RNF144B: variants seen among roughly 807,000 people sequenced by gnomAD.
RNF144B encodes E3 ubiquitin-protein ligase RNF144B.
Under a neutral mutation model 40.2 loss-of-function variants are expected in RNF144B, and 25 were observed. The observed-to-expected ratio is 0.62, with a 90% CI of 0.45 to 0.87. The LOEUF (loss-of-function observed/expected upper bound fraction) is 0.87. Ranked by LOEUF, RNF144B falls within the 40% of genes least tolerant of loss-of-function variation. The pLI, the probability that RNF144B is intolerant of heterozygous loss-of-function variation, is 0.00. For missense variants in RNF144B, 365 were observed against 373.7 expected (o/e 0.98, Z 0.19); for synonymous variants, 145 against 136.3 (o/e 1.06, Z -0.44).
Position 18,400,173 on chromosome 6 carries a change from G to T in RNF144B, c.165+474G>T, listed in dbSNP as rs559290042. On this transcript the variant is annotated intron_variant, in intron 2 of 7. Coordinates refer to ENST00000259939, the MANE Select transcript of RNF144B (RefSeq NM_182757.4). This position sits in a 1 kb window ranked among gnomAD's most constrained non-coding sequence, Gnocchi z 5.6. ...CTGTAGTCCCAGCTACTCGGGAGGC[G>T]GAGGCAGGAGAATGGCGTGAACCTG... Among the ~76,000 whole-genome samples, 384 of 151,824 alleles carry T rather than the reference G, an allele frequency of 2.5e-3. 5 individuals are homozygous for T. The highest frequency in any genetic ancestry group is 8.3e-3 in the African/African-American group (345 of 41,402).
At position 18,406,457 on chromosome 6, in the gene RNF144B, A is replaced by AGTGT. The variant is rs58124564; in HGVS notation, c.165+6799_165+6802dup. On this transcript the variant is annotated intron_variant, in intron 2 of 7. Coordinates refer to ENST00000259939, the MANE Select transcript of RNF144B (RefSeq NM_182757.4). The surrounding 1 kb of genome is among the most constrained non-coding windows in gnomAD (Gnocchi z 4.2). ...CAAAGGAGGCTGGTGTGGCTGGAAAAGTGTGTGTGTGTGTGTGTGTGTGTG... is the reference window on the plus strand; with the variant it reads ...CAAAGGAGGCTGGTGTGGCTGGAAAAGTGTGTGTGTGTGTGTGTGTGTGTGTGTG... Among the ~76,000 whole-genome samples the AGTGT allele has an allele frequency of 0.048, 6,326 of 130,860 alleles. 171 individuals are homozygous for AGTGT. The highest frequency in any genetic ancestry group is 0.075 in the Admixed American group (974 of 13,044). The allele number at this position is 130,860 out of a possible 152,430, so 85.8% of individuals were successfully genotyped here.
In RNF144B at chr6:18,465,602, T is replaced by A. The variant is rs72834107; in HGVS notation, c.*535T>A. 1,683 of 152,916 alleles carry A rather than the reference T, an allele frequency of 0.011. 23 individuals carry two copies. The highest frequency in any genetic ancestry group is 0.027 in the Middle Eastern group (8 of 294). 9.5% of individuals were successfully genotyped at this position (152,916 alleles called of 1,614,324 possible). On this transcript the variant is annotated 3_prime_UTR_variant, in exon 8 of 8. Coordinates refer to ENST00000259939, the MANE Select transcript of RNF144B (RefSeq NM_182757.4). ...GTTGATATGGTGGTTGTGCCTCTGC[T>A]GGCTACTGGGTGTGCTGTCCCCATG...
chr6:18,430,915 T>C (rs994994625), intron 3 of RNF144B, among the ~76,000 whole-genome samples: 5 of 152,150 alleles, frequency 3.3e-5, no homozygotes, highest in Non-Finnish European at 5.9e-5. Flanking sequence ...CTTTTGTGCA[T>C]TAAAACCAGA....
In RNF144B at chr6:18,447,380, ATAGGAGG is replaced by A. The variant is rs201060613; in HGVS notation, c.331+7639_331+7645del. Among the ~76,000 whole-genome samples the A allele has an allele frequency of 0.011, 1,653 of 152,268 alleles. 22 individuals are homozygous for A. Among genetic ancestry groups the A allele is most frequent in the Middle Eastern group, 0.027 (8 of 294 alleles). ...AGCTAAGTGAGCAGAGGGGAGAGTT[ATAGGAGG>A]TAATTTGAAAGTGTTAGTCAAGGGC... On this transcript the variant is annotated intron_variant, in intron 4 of 7. Coordinates refer to ENST00000259939, the MANE Select transcript of RNF144B (RefSeq NM_182757.4). The surrounding 1 kb of genome is among the most constrained non-coding windows in gnomAD (Gnocchi z 5.6).
At chr6:18,403,442 G>A (rs1331250688) in intron 2 of RNF144B, among the ~76,000 whole-genome samples, 1 of 152,166 alleles carries the variant, frequency 6.6e-6, no homozygotes, top group African/African-American at 2.4e-5. Flanking sequence ...AATACAGGAT[G>A]TGCTAAGCAA....
At chr6:18,407,171 G>A (rs1448255768) in intron 2 of RNF144B, among the ~76,000 whole-genome samples, 1 of 152,078 alleles carries the variant, frequency 6.6e-6, no homozygotes, top group East Asian at 1.9e-4. Context: ...CACATGCCCA[G>A]AAATGAGGCA....
intron 4 of RNF144B, 150 bp downstream of exon 4, chr6:18,439,894 A>G (rs1364321040): frequency 9.7e-6 from 5 of 514,650 alleles, no homozygotes; most frequent in Non-Finnish European, 1.8e-5. Flanking sequence ...GCAACATAAA[A>G]TTTCAAGCCT....
At chr6:18,388,109 T>C (rs184212986) in intron 1 of RNF144B, among the ~76,000 whole-genome samples, 16 of 152,284 alleles carry the variant, frequency 1.1e-4, no homozygotes, top group Admixed American at 1.0e-3. Context: ...CTAAAACACC[T>C]TTTGTTTTTC....
At chr6:18,453,823 T>C (rs1423623492) in intron 4 of RNF144B, among the ~76,000 whole-genome samples, 3 of 152,180 alleles carry the variant, frequency 2.0e-5, no homozygotes. Context: ...GGAGGAACAG[T>C]CCTTGTTTGA....
rs1423951934 is a variant in RNF144B, at chr6:18,418,124, T to C, written c.166-9457T>C. ...GAATTTAAAGAAGTTGAAACTCTCA[T>C]ACACTGCTGGTGGGAATGGAAAATG... On this transcript the variant is annotated intron_variant, in intron 2 of 7. Coordinates refer to ENST00000259939, the MANE Select transcript of RNF144B (RefSeq NM_182757.4). This position sits in a 1 kb window ranked among gnomAD's most constrained non-coding sequence, Gnocchi z 5.2. Among the ~76,000 whole-genome samples the C allele has an allele frequency of 6.6e-6, 1 of 152,176 alleles. No individual in the cohort carries two copies. Among genetic ancestry groups the C allele is most frequent in the Non-Finnish European group, 1.5e-5 (1 of 68,020 alleles).
intron 6 of RNF144B, among the ~76,000 whole-genome samples, chr6:18,462,441 T>C (rs1759475889): frequency 6.6e-6 from 1 of 152,182 alleles, no homozygotes; most frequent in Non-Finnish European, 1.5e-5. Context: ...CTTTTTAGCC[T>C]CTTCCTCGAT....
chr6:18,396,128 T>A (rs1794690166), intron 1 of RNF144B, among the ~76,000 whole-genome samples: 1 of 152,212 alleles, frequency 6.6e-6, no homozygotes, highest in Non-Finnish European at 1.5e-5. Context: ...TATAGGCATG[T>A]AACTCCTTAG....
Position 18,387,601 on chromosome 6 carries a change from G to A in RNF144B, c.-66G>A. ...CGCGAGGGAGGCTACTGAGAAGCCC[G>A]GCGACGGAGGAACGCAGGTCTGCTG... is the stretch of plus-strand genomic sequence containing the variant. On this transcript the variant is annotated 5_prime_UTR_variant, in exon 1 of 8. Transcript: ENST00000259939. 7.6e-7 allele frequency: 1 copy of A among 1,317,584 alleles called. No homozygotes were observed. Among genetic ancestry groups the A allele is most frequent in the Non-Finnish European group, 1.0e-6 (1 of 1,004,238 alleles). 81.6% of individuals were successfully genotyped at this position (1,317,584 alleles called of 1,614,324 possible). A position where few individuals can be genotyped will look rare whatever the true frequency, so the allele number is the denominator to read the frequency against.
chr6:18,405,174 A>ATTATTATTG lies in RNF144B; in HGVS notation c.165+5477_165+5478insATTATTGTT, dbSNP rs1362333930. Among the ~76,000 whole-genome samples the ATTATTATTG allele has an allele frequency of 4.9e-3, 693 of 142,598 alleles. 8 individuals carry two copies. Among genetic ancestry groups the ATTATTATTG allele is most frequent in the African/African-American group, 0.017 (671 of 39,182 alleles). 93.5% of individuals were successfully genotyped at this position (142,598 alleles called of 152,430 possible). ...CTTTATTATTATTATTATTATTATT[A>ATTATTATTG]TTGTTATTATTATTTTTGAGATGGA... On this transcript the variant is annotated intron_variant, in intron 2 of 7. Transcript: ENST00000259939. This position sits in a 1 kb window ranked among gnomAD's most constrained non-coding sequence, Gnocchi z 4.5.
chr6:18,463,266 T>A, intron 6 of RNF144B, 25 bp from the exon 7 acceptor site: 1 of 1,438,226 alleles, frequency 7.0e-7, no homozygotes, highest in Non-Finnish European at 9.8e-7. Flanking sequence ...GCATATTTAC[T>A]GAAATCAATC....
In RNF144B at chr6:18,467,400, G is replaced by GTTTTTTTTTTTTTTTTTTTTT. The variant is rs66505065; in HGVS notation, c.*2352_*2353insTTTTTTTTTTTTTTTTTTTTT. The stretch of plus-strand genomic sequence containing the variant: ...TTGTATCACTGAATTAGCTGCTTTT[G>GTTTTTTTTTTTTTTTTTTTTT]TTTTTTTTTTTTTTTTTTTGCCAGG... On this transcript the variant is annotated 3_prime_UTR_variant, in exon 8 of 8. Coordinates refer to ENST00000259939, the MANE Select transcript of RNF144B (RefSeq NM_182757.4). The GTTTTTTTTTTTTTTTTTTTTT allele has an allele frequency of 9.8e-6, 1 of 102,270 alleles. No homozygotes were observed. Among genetic ancestry groups the GTTTTTTTTTTTTTTTTTTTTT allele is most frequent in the African/African-American group, 3.9e-5 (1 of 25,952 alleles). 6.3% of individuals were successfully genotyped at this position (102,270 alleles called of 1,614,324 possible). A position where few individuals can be genotyped will look rare whatever the true frequency, so the allele number is the denominator to read the frequency against.
intron 6 of RNF144B, among the ~76,000 whole-genome samples, chr6:18,461,325 TAGCATG>T (rs1759449760): frequency 6.6e-6 from 1 of 152,194 alleles, no homozygotes; most frequent in South Asian, 2.1e-4. Flanking sequence ...ATTTAAGACC[TAGCATG>T]CATCTAAGTG....
intron 4 of RNF144B, among the ~76,000 whole-genome samples, chr6:18,451,763 G>A (rs1759213721): frequency 6.6e-6 from 1 of 152,216 alleles, no homozygotes; most frequent in Non-Finnish European, 1.5e-5. Flanking sequence ...CCAAAACTAA[G>A]CTGAGATAGG....
At chr6:18,393,844 T>G (rs1244750282) in intron 1 of RNF144B, among the ~76,000 whole-genome samples, 6 of 152,240 alleles carry the variant, frequency 3.9e-5, no homozygotes, top group African/African-American at 7.2e-5. Flanking sequence ...ATTTATGCAT[T>G]CATATCTGTT....
Sources: allele counts gnomAD v4.1 joint callset (sites outside exome capture counted in the v4.1 genomes callset), GRCh38; gene constraint gnomAD v4.1.1; non-coding constraint Gnocchi (gnomAD v3.1); transcripts MANE v1.5; gene names NCBI Gene and HGNC (gene_info 2026-07-23, HGNC 2026-07-21).